The following FUBP1 variants were observed in gnomAD, a reference collection of about 807,000 sequenced individuals.
FUBP1 encodes the protein far upstream element-binding protein 1.
FUBP1 carries 16 observed loss-of-function variants against 94.9 expected under a neutral mutation model. The observed-to-expected ratio is 0.17, with a 90% confidence interval of 0.11 to 0.26. FUBP1 has a LOEUF of 0.26. Among genes scored for constraint, FUBP1 ranks in the 10% least tolerant of loss-of-function variants. The pLI is 1.00. For missense variants in FUBP1, 583 were observed against 808.6 expected (o/e 0.72, Z 3.38); for synonymous variants, 279 against 254.9 (o/e 1.09, Z -0.90).
intron 18 of FUBP1, among the ~76,000 whole-genome samples, chr1:77,949,864 AT>A (rs1266388089): frequency 3.3e-5 from 5 of 152,188 alleles, no homozygotes; most frequent in African/African-American, 1.2e-4. Flanking sequence ...ACACACACAC[AT>A]AATAAGATGT....
At chr1:77,964,582 C>G (rs775500702) in intron 10 of FUBP1, 64 bp downstream of exon 10, 14 of 944,426 alleles carry the variant, frequency 1.5e-5, no homozygotes, top group Non-Finnish European at 2.2e-5. Context: ...TAACACAAAA[C>G]AGAAAACACT....
At chr1:77,978,755 G>A (rs550220396) in intron 1 of FUBP1, 130 bp downstream of exon 1, 9 of 1,143,994 alleles carry the variant, frequency 7.9e-6, no homozygotes, top group African/African-American at 6.1e-5. Context: ...ATGGGGAAAC[G>A]TGTCTCTTCA....
intron 1 of FUBP1, among the ~76,000 whole-genome samples, chr1:77,975,641 G>A (rs1658456618): frequency 1.3e-5 from 2 of 152,040 alleles, no homozygotes; most frequent in Non-Finnish European, 2.9e-5. Flanking sequence ...GGAAAAAAAC[G>A]GTAGATAAAC....
chr1:77,977,635 TC>T (rs1658923083), intron 1 of FUBP1, among the ~76,000 whole-genome samples: 1 of 152,206 alleles, frequency 6.6e-6, no homozygotes, highest in Admixed American at 6.5e-5. Context: ...ATAAAATAGT[TC>T]CCTTAAGTTT....
intron 7 of FUBP1, 106 bp from the exon 8 acceptor site, chr1:77,965,337 G>T: frequency 3.4e-6 from 2 of 587,400 alleles, no homozygotes; most frequent in East Asian, 2.8e-5. Flanking sequence ...TCCCAGTTCA[G>T]GATTAGGTGC....
intron 18 of FUBP1, among the ~76,000 whole-genome samples, chr1:77,954,763 AAGTAT>A (rs1654136971): frequency 6.6e-6 from 1 of 152,202 alleles, no homozygotes; most frequent in African/African-American, 2.4e-5. Context: ...ATTTGTCCAG[AAGTAT>A]AGTATCAGGT....
At chr1:77,960,113 C>T (rs1655179138) in intron 16 of FUBP1, 71 bp downstream of exon 16, 3 of 1,107,840 alleles carry the variant, frequency 2.7e-6, no homozygotes, top group Non-Finnish European at 4.1e-6. Flanking sequence ...AGAATCAACA[C>T]TAGAAAATTT....
Position 77,965,455 on chromosome 1 carries a change from ATTTT to A in FUBP1, c.474-228_474-225del, listed in dbSNP as rs531644341. ...AAAATTTTCTAGATATACAATTTTT[ATTTT>A]TAAGAATAGTCCAAAATTTCCAAGA... On this transcript the variant is annotated intron_variant, in intron 7 of 19. Coordinates refer to ENST00000370768, the MANE Select transcript of FUBP1 (RefSeq NM_003902.5). Among the ~76,000 whole-genome samples the A allele has an allele frequency of 7.2e-5, 11 of 152,292 alleles. No homozygotes were observed. The South Asian group carries it at 1.2e-3, about 17-fold the overall frequency.
At chr1:77,965,524 T>C (rs530452338) in intron 7 of FUBP1, among the ~76,000 whole-genome samples, 1 of 152,352 alleles carries the variant, frequency 6.6e-6, no homozygotes, top group Admixed American at 6.5e-5. Flanking sequence ...ATTAAACTGA[T>C]TCTTCCAAGA....
At chr1:77,950,547 G>C (rs909723604) in intron 18 of FUBP1, among the ~76,000 whole-genome samples, 1 of 152,084 alleles carries the variant, frequency 6.6e-6, no homozygotes, top group Non-Finnish European at 1.5e-5. Context: ...AGCGCATACA[G>C]CAAACTTTTA....
intron 1 of FUBP1, 127 bp downstream of exon 1, chr1:77,978,758 T>C (rs1659256306): frequency 8.6e-7 from 1 of 1,162,600 alleles, no homozygotes; most frequent in African/African-American, 1.5e-5. Context: ...GGGAAACGTG[T>C]CTCTTCACAT....
chr1:77,955,481 C>T (rs1386457048), intron 17 of FUBP1, 152 bp from the exon 18 acceptor site: 2 of 597,834 alleles, frequency 3.3e-6, no homozygotes, highest in East Asian at 2.9e-5. Context: ...CCTAACAGTG[C>T]CAAAGATAGA....
intron 13 of FUBP1, among the ~76,000 whole-genome samples, chr1:77,963,147 T>A (rs115285694): frequency 6.6e-6 from 1 of 152,206 alleles, no homozygotes; most frequent in Non-Finnish European, 1.5e-5. Context: ...TTACATTTAC[T>A]TAGTATGTTT....
intron 2 of FUBP1, among the ~76,000 whole-genome samples, 181 bp downstream of exon 2, chr1:77,969,744 C>A (rs564710984): frequency 3.9e-5 from 6 of 151,942 alleles, no homozygotes; most frequent in Admixed American, 2.0e-4. Context: ...TAAAAAATTT[C>A]TTTCAAATTT....
rs987384493 is a variant in FUBP1, at chr1:77,956,766, C to T, written c.1577-66G>A. 8 of 1,210,994 alleles carry T rather than the reference C, an allele frequency of 6.6e-6. No homozygotes were observed. In the Admixed American group the frequency reaches 7.6e-5, roughly 11 times the overall value. The allele number at this position is 1,210,994 out of a possible 1,614,324, so 75.0% of individuals were successfully genotyped here. Reference sequence around the variant, plus strand: ...TAATTCTCTCTCACACACACACACACCACCCCCCCGCCCAGCTCTCTGGCA... The same window carrying T: ...TAATTCTCTCTCACACACACACACATCACCCCCCCGCCCAGCTCTCTGGCA... On this transcript the variant is annotated intron_variant, in intron 16 of 19. Transcript: ENST00000370768.
intron 1 of FUBP1, among the ~76,000 whole-genome samples, chr1:77,975,872 G>T (rs1177807446): frequency 6.6e-6 from 1 of 150,518 alleles, no homozygotes; most frequent in Non-Finnish European, 1.5e-5. Flanking sequence ...TCACATAAAA[G>T]CCAGAAAAAA....
rs1313501715 is a variant in FUBP1 at position 77,968,197 on chromosome 1, G to A, written c.218C>T (p.Pro73Leu). ...TTGAGGAGCAACTTTCTTAGCATCTGGTTGATCTGCAAAATTAAGTGTCTT... is the reference window on the plus strand; with the variant it reads ...TTGAGGAGCAACTTTCTTAGCATCTAGTTGATCTGCAAAATTAAGTGTCTT... ...QKRPLEDGDQ[P>L]DAKKVAPQND... Residue 73 changes from proline to leucine, a missense_variant, in exon 3 of 20, where the codon CCA (proline) becomes CTA (leucine). Physicochemically the swap from Pro to Leu is moderately conservative, Grantham distance 98. Coordinates refer to ENST00000370768, the MANE Select transcript of FUBP1 (RefSeq NM_003902.5). 1 of 1,537,352 alleles carries A rather than the reference G, an allele frequency of 6.5e-7. No homozygotes were observed. The highest frequency in any genetic ancestry group is 8.7e-7 in the Non-Finnish European group (1 of 1,147,590).
Position 77,947,866 on chromosome 1 carries a change from T to G in FUBP1, c.*900A>C. ...TGTAGCTATACTTTTTGCACACTAT[T>G]CACTTTTCTATCCTAAATTTAGAAA... On this transcript the variant is annotated 3_prime_UTR_variant, in exon 20 of 20. Coordinates refer to ENST00000370768, the MANE Select transcript of FUBP1 (RefSeq NM_003902.5). 1 of 1,101,254 alleles carries G rather than the reference T, an allele frequency of 9.1e-7. No individual in the cohort carries two copies. The highest frequency in any genetic ancestry group is 2.8e-5 in the South Asian group (1 of 35,942). The allele number at this position is 1,101,254 out of a possible 1,614,324, so 68.2% of individuals were successfully genotyped here.
intron 18 of FUBP1, among the ~76,000 whole-genome samples, 167 bp downstream of exon 18, chr1:77,955,087 GA>G (rs1195576026): frequency 1.3e-5 from 2 of 151,034 alleles, no homozygotes; most frequent in South Asian, 2.1e-4. Flanking sequence ...AATGCAATTA[GA>G]AAAAAAAATT....
Sources: allele counts gnomAD v4.1 joint callset (sites outside exome capture counted in the v4.1 genomes callset), GRCh38; gene constraint gnomAD v4.1.1; transcripts MANE v1.5; gene names NCBI Gene and HGNC (gene_info 2026-07-23, HGNC 2026-07-21).